MAP3K5: variants seen among roughly 807,000 people sequenced by gnomAD.
The protein encoded by MAP3K5 is mitogen-activated protein kinase kinase kinase 5.
MAP3K5 carries 56 observed loss-of-function variants against 158.7 expected under a neutral mutation model. The ratio of observed to expected loss-of-function variants is 0.35; its 90% CI spans 0.28 to 0.44. The LOEUF is 0.44. Ranked by LOEUF, MAP3K5 falls within the 20% of genes least tolerant of loss-of-function variation. MAP3K5 has a pLI of 1.00. For missense variants in MAP3K5, 1,294 were observed against 1,674.8 expected (o/e 0.77, Z 3.97); for synonymous variants, 579 against 601.7 (o/e 0.96, Z 0.55).
intron 3 of MAP3K5, among the ~76,000 whole-genome samples, chr6:136,700,523 C>T (rs1780807056): frequency 1.3e-5 from 2 of 152,156 alleles, no homozygotes; most frequent in Non-Finnish European, 2.9e-5. Context: ...GAACACATGC[C>T]TCTTCAAGAC....
At chr6:136,652,145 A>C (rs1778544544) in intron 10 of MAP3K5, among the ~76,000 whole-genome samples, 1 of 152,202 alleles carries the variant, frequency 6.6e-6, no homozygotes, top group South Asian at 2.1e-4. Flanking sequence ...CAGATTCATA[A>C]TACAGTAAAA....
chr6:136,586,331 T>C (rs983215763), intron 23 of MAP3K5, among the ~76,000 whole-genome samples: 10 of 152,250 alleles, frequency 6.6e-5, no homozygotes, highest in Non-Finnish European at 1.5e-4. Context: ...AAACTTCAAA[T>C]GGCAAACTTT....
At chr6:136,686,244 C>T (rs1780141452) in intron 7 of MAP3K5, among the ~76,000 whole-genome samples, 1 of 151,978 alleles carries the variant, frequency 6.6e-6, no homozygotes, top group African/African-American at 2.4e-5. Context: ...TCTTTGAGCT[C>T]ATAAACTAGG....
At chr6:136,710,253 A>C (rs1268184842) in intron 2 of MAP3K5, among the ~76,000 whole-genome samples, 1 of 152,220 alleles carries the variant, frequency 6.6e-6, no homozygotes, top group African/African-American at 2.4e-5. Context: ...ATTTCACATC[A>C]GCTCATGGAA....
chr6:136,686,505 A>G (rs113285907), intron 7 of MAP3K5, among the ~76,000 whole-genome samples: 18,072 of 152,164 alleles, frequency 0.12, 2,428 homozygotes, highest in African/African-American at 0.34. Flanking sequence ...AGATGACATG[A>G]TTGTATATTT....
chr6:136,589,061 C>T (rs144831332), intron 23 of MAP3K5, among the ~76,000 whole-genome samples: 85 of 152,236 alleles, frequency 5.6e-4, no homozygotes, highest in African/African-American at 1.9e-3. Context: ...ATTCCTAAGG[C>T]GATAAAATGT....
At chr6:136,761,848 G>C (rs895233795) in intron 1 of MAP3K5, among the ~76,000 whole-genome samples, 2 of 152,186 alleles carry the variant, frequency 1.3e-5, no homozygotes, top group African/African-American at 4.8e-5. Context: ...ACAGAGAAGC[G>C]ATGGAGAAGG....
At chr6:136,739,455 T>C (rs2114868495) in intron 1 of MAP3K5, among the ~76,000 whole-genome samples, 1 of 152,288 alleles carries the variant, frequency 6.6e-6, no homozygotes, top group East Asian at 1.9e-4. Context: ...CAGGGGGACA[T>C]TCACCCCTCA....
intron 14 of MAP3K5, among the ~76,000 whole-genome samples, chr6:136,636,362 T>A (rs1777635178): frequency 6.6e-6 from 1 of 152,110 alleles, no homozygotes; most frequent in Admixed American, 6.5e-5. Context: ...TCCAGAAGTA[T>A]AAGAAAATAA....
chr6:136,668,810 C>T (rs954189072), intron 8 of MAP3K5, among the ~76,000 whole-genome samples: 2 of 152,148 alleles, frequency 1.3e-5, no homozygotes, highest in African/African-American at 4.8e-5. Context: ...TTTGCTTAAC[C>T]TGTTGCTCCT....
intron 15 of MAP3K5, among the ~76,000 whole-genome samples, chr6:136,617,060 C>G (rs147196313): frequency 6.6e-6 from 1 of 152,236 alleles, no homozygotes; most frequent in African/African-American, 2.4e-5. Context: ...TCCTGATTCT[C>G]TACTGAAAAT....
At chr6:136,725,420 GT>G (rs1211378309) in intron 1 of MAP3K5, among the ~76,000 whole-genome samples, 2 of 152,128 alleles carry the variant, frequency 1.3e-5, no homozygotes, top group African/African-American at 4.8e-5. Flanking sequence ...GTGGTACTTC[GT>G]TATGGTTTTA....
At chr6:136,732,209 G>A (rs925960425) in intron 1 of MAP3K5, among the ~76,000 whole-genome samples, 8 of 152,140 alleles carry the variant, frequency 5.3e-5, no homozygotes, top group African/African-American at 1.7e-4. Flanking sequence ...CAAATCACTC[G>A]AGGTCAGGAG....
chr6:136,576,224 C>A (rs780681972), intron 25 of MAP3K5, among the ~76,000 whole-genome samples: 1 of 152,094 alleles, frequency 6.6e-6, no homozygotes, highest in Non-Finnish European at 1.5e-5. Context: ...CTGTTTGGAA[C>A]ATTTTCAGGT....
intron 10 of MAP3K5, among the ~76,000 whole-genome samples, chr6:136,652,128 G>A (rs1026843621): frequency 1.4e-4 from 21 of 151,964 alleles, no homozygotes; most frequent in Non-Finnish European, 1.9e-4. Flanking sequence ...CCACCCATAA[G>A]GAATTACAGA....
At chr6:136,791,632 A>G (rs1785080880) in intron 1 of MAP3K5, 78 bp downstream of exon 1, 1 of 1,505,268 alleles carries the variant, frequency 6.6e-7, no homozygotes, top group South Asian at 1.2e-5. Flanking sequence ...CCCGCCCAGA[A>G]AAATGAAATG....
intron 25 of MAP3K5, chr6:136,579,698 T>G: frequency 2.5e-6 from 1 of 402,198 alleles, no homozygotes; most frequent in Non-Finnish European, 4.9e-6. Flanking sequence ...GTGGGGGACC[T>G]TGATAATGGA....
chr6:136,724,873 T>C (rs1781901381), intron 1 of MAP3K5, among the ~76,000 whole-genome samples: 1 of 152,164 alleles, frequency 6.6e-6, no homozygotes, highest in Admixed American at 6.5e-5. Context: ...ACCATAGTCA[T>C]GATACAAAAT....
rs891140598 is a variant in MAP3K5, at chr6:136,654,038, T to C, written c.1680+2269A>G. Among the ~76,000 whole-genome samples the C allele has an allele frequency of 9.2e-5, 14 of 152,292 alleles. No individual in the cohort carries two copies. In the East Asian group the frequency reaches 2.5e-3, roughly 27 times the overall value. ...CACAAAGTTTCAAGAAGGAAATGGATTGCTGAGAAAAATCAAATATGCCAA... is the reference window on the plus strand; with the variant it reads ...CACAAAGTTTCAAGAAGGAAATGGACTGCTGAGAAAAATCAAATATGCCAA... On this transcript the variant is annotated intron_variant, in intron 10 of 29. Transcript: ENST00000359015.
Sources: allele counts gnomAD v4.1 joint callset (sites outside exome capture counted in the v4.1 genomes callset), GRCh38; gene constraint gnomAD v4.1.1; transcripts MANE v1.5; gene names NCBI Gene and HGNC (gene_info 2026-07-23, HGNC 2026-07-21).